Variants in CDC42BPB observed in about 807,000 individuals in gnomAD.
CDC42BPB encodes the protein serine/threonine-protein kinase MRCK beta.
In CDC42BPB, 37 loss-of-function variants were observed where a neutral mutation model predicts 214.9. That is an observed-to-expected ratio of 0.17 (90% CI 0.13 to 0.23). CDC42BPB has a LOEUF of 0.23. CDC42BPB is among the 10% of genes least tolerant of loss of function. CDC42BPB has a pLI of 1.00. For synonymous variants in CDC42BPB, 931 were observed against 884.0 expected (o/e 1.05, Z -0.94); for missense variants, 1,694 against 2,227.0 (o/e 0.76, Z 4.82).
At chr14:102,936,719 C>T (rs1891661143) in intron 36 of CDC42BPB, among the ~76,000 whole-genome samples, 1 of 152,200 alleles carries the variant, frequency 6.6e-6, no homozygotes, top group South Asian at 2.1e-4. Context: ...CCTTGAACTC[C>T]TCAGGCCATC....
chr14:102,933,785 G>A lies in CDC42BPB; in HGVS notation c.5063C>T (p.Pro1688Leu), dbSNP rs1891504148. 2.0e-6 allele frequency: 3 copies of A among 1,501,604 alleles called. No homozygotes were observed. The highest frequency in any genetic ancestry group is 2.9e-5 in the Admixed American group (1 of 34,474). 93.0% of individuals were successfully genotyped at this position (1,501,604 alleles called of 1,614,324 possible). The change falls in exon 37 of 37, where the codon CCA (proline) becomes CTA (leucine). Residue 1688 changes from proline to leucine, a missense_variant. Coordinates refer to ENST00000361246, the MANE Select transcript of CDC42BPB (RefSeq NM_006035.4). Reference protein sequence around the residue: ...TPSNSSNPSGPPSPNSPHRSQ... With the variant: ...TPSNSSNPSGLPSPNSPHRSQ... ...CCTGTGGGGGGAGTTGGGGCTCGGTGGGCCGCTGGGGTTGGAGCTATTCGA... is the reference window on the plus strand; with the variant it reads ...CCTGTGGGGGGAGTTGGGGCTCGGTAGGCCGCTGGGGTTGGAGCTATTCGA...
At chr14:102,996,798 G>C (rs1349955024) in intron 5 of CDC42BPB, among the ~76,000 whole-genome samples, 1 of 127,918 alleles carries the variant, frequency 7.8e-6, no homozygotes, top group Admixed American at 8.5e-5. Flanking sequence ...GGCAACAAGA[G>C]TGAGACTCCA....
intron 1 of CDC42BPB, among the ~76,000 whole-genome samples, chr14:103,052,039 A>C (rs1888639617): frequency 6.6e-6 from 1 of 151,754 alleles, no homozygotes; most frequent in South Asian, 2.1e-4. Context: ...ACGGGTTTTC[A>C]CCTTGTTGGC....
At chr14:102,933,895 G>A in intron 36 of CDC42BPB, 52 bp from the exon 37 acceptor site, 1 of 1,465,608 alleles carries the variant, frequency 6.8e-7, no homozygotes, top group Non-Finnish European at 8.9e-7. Context: ...GCCTGGGGAG[G>A]CACGCGTGCC....
chr14:103,022,670 G>A (rs1347647529), intron 1 of CDC42BPB, among the ~76,000 whole-genome samples: 2 of 152,162 alleles, frequency 1.3e-5, no homozygotes, highest in East Asian at 1.9e-4. Flanking sequence ...TAGGGGGCAG[G>A]GTATCACCCA....
At chr14:102,953,872 TGGA>T (rs1258459585) in intron 23 of CDC42BPB, among the ~76,000 whole-genome samples, 3 of 152,126 alleles carry the variant, frequency 2.0e-5, no homozygotes, top group East Asian at 3.8e-4. Flanking sequence ...AAAATCAATG[TGGA>T]GAAGTAAGCT....
intron 5 of CDC42BPB, among the ~76,000 whole-genome samples, chr14:102,995,165 T>C (rs1894670046): frequency 6.6e-6 from 1 of 151,070 alleles, no homozygotes; most frequent in Non-Finnish European, 1.5e-5. Context: ...GGATGTGATG[T>C]TCTCTCTCTC....
intron 1 of CDC42BPB, among the ~76,000 whole-genome samples, chr14:103,023,652 T>C (rs1411699801): frequency 1.3e-5 from 2 of 152,112 alleles, no homozygotes; most frequent in African/African-American, 2.4e-5. Context: ...TACTCACTGG[T>C]TTTTCTTAAT....
chr14:102,934,491 A>G (rs541219383), intron 36 of CDC42BPB, among the ~76,000 whole-genome samples: 2 of 152,088 alleles, frequency 1.3e-5, no homozygotes, highest in South Asian at 2.1e-4. Context: ...CCGAGACTGC[A>G]CCACTGCACT....
chr14:103,027,778 A>T (rs1310288366), intron 1 of CDC42BPB, among the ~76,000 whole-genome samples: 2 of 152,248 alleles, frequency 1.3e-5, no homozygotes, highest in East Asian at 3.8e-4. Flanking sequence ...CTCTAGAATT[A>T]GACAGCGGTG....
rs546336159 is a variant in CDC42BPB, at chr14:102,993,915, A to G, written c.596+5650T>C. On this transcript the variant is annotated intron_variant, in intron 5 of 36. Coordinates refer to ENST00000361246, the MANE Select transcript of CDC42BPB (RefSeq NM_006035.4). ...GGTTCTTCTCCCCAAAAATCTCATC[A>G]TTTAGGCTTAACTTTTTTGGTTTGG... is the stretch of plus-strand genomic sequence containing the variant. Among the ~76,000 whole-genome samples, 3 of 152,304 alleles carry G rather than the reference A, an allele frequency of 2.0e-5. No individual in the cohort carries two copies. The South Asian group carries it at 6.2e-4, about 32-fold the overall frequency.
rs760797073 is a variant in CDC42BPB at position 102,945,115 on chromosome 14, C to T, written c.3811+547G>A. Reference sequence around the variant, plus strand: ...CGCCCAGCGGCTGCCCCGCCCTTCTCGCTCCACGGCCATCACATGCAGAGA... The same window carrying T: ...CGCCCAGCGGCTGCCCCGCCCTTCTTGCTCCACGGCCATCACATGCAGAGA... On this transcript the variant is annotated intron_variant, in intron 29 of 36. Coordinates refer to ENST00000361246, the MANE Select transcript of CDC42BPB (RefSeq NM_006035.4). 1.0e-4 allele frequency: 40 copies of T among 380,988 alleles called. 1 individual carries two copies. The Middle Eastern group carries it at 1.5e-3, about 14-fold the overall frequency. The allele number at this position is 380,988 out of a possible 1,614,324, so 23.6% of individuals were successfully genotyped here. A position where few individuals can be genotyped will look rare whatever the true frequency, so the allele number is the denominator to read the frequency against.
At chr14:102,966,908 G>A in intron 17 of CDC42BPB, 138 bp downstream of exon 17, 1 of 970,538 alleles carries the variant, frequency 1.0e-6, no homozygotes, top group Non-Finnish European at 1.5e-6. Flanking sequence ...AAGTTCTGGG[G>A]AACAGCAGTG....
intron 8 of CDC42BPB, 107 bp downstream of exon 8, chr14:102,980,666 A>C (rs1893957018): frequency 8.8e-7 from 1 of 1,133,780 alleles, no homozygotes; most frequent in Non-Finnish European, 1.3e-6. Context: ...TTAAGTGCCA[A>C]ATTTCACAGC....
rs1455730412 is a variant in CDC42BPB at position 103,045,101 on chromosome 14, A to G, written c.175+11898T>C. Among the ~76,000 whole-genome samples, 8 of 152,062 alleles carry G rather than the reference A, an allele frequency of 5.3e-5. No homozygotes were observed. The South Asian group carries it at 1.5e-3, about 28-fold the overall frequency. ...ATAAATTCGGCTCACCAGTTTTTTA[A>G]ACAAAGTGATAGACTGAATTATTTT... On this transcript the variant is annotated intron_variant, in intron 1 of 36. Coordinates refer to ENST00000361246, the MANE Select transcript of CDC42BPB (RefSeq NM_006035.4).
intron 8 of CDC42BPB, among the ~76,000 whole-genome samples, chr14:102,979,498 C>T (rs190243907): frequency 7.1e-4 from 108 of 152,226 alleles, no homozygotes; most frequent in African/African-American, 2.5e-3. Context: ...AGGGGTGACT[C>T]GCCGCACCCG....
At chr14:102,947,906 T>C (rs1892258328) in intron 26 of CDC42BPB, 104 bp from the exon 27 acceptor site, 1 of 1,585,524 alleles carries the variant, frequency 6.3e-7, no homozygotes, top group South Asian at 1.1e-5. Context: ...TCCACCACCG[T>C]GTTCTGCAGT....
At chr14:103,038,821 C>CAA (rs889789968) in intron 1 of CDC42BPB, among the ~76,000 whole-genome samples, 1 of 150,020 alleles carries the variant, frequency 6.7e-6, no homozygotes, top group African/African-American at 2.5e-5. Flanking sequence ...TTACAGGCTA[C>CAA]AATTACCTTT....
At chr14:102,941,001 G>C in intron 30 of CDC42BPB, 2 of 558,552 alleles carry the variant, frequency 3.6e-6, no homozygotes, top group Non-Finnish European at 4.5e-6. Context: ...AGGTGCCACG[G>C]ATGTGAAACC....
Sources: allele counts gnomAD v4.1 joint callset (sites outside exome capture counted in the v4.1 genomes callset), GRCh38; gene constraint gnomAD v4.1.1; transcripts MANE v1.5; gene names NCBI Gene and HGNC (gene_info 2026-07-23, HGNC 2026-07-21).